RNMT: variants seen among roughly 807,000 people sequenced by gnomAD.
The protein encoded by RNMT is RNA guanine-7 methyltransferase.
RNMT carries 27 observed loss-of-function variants against 56.0 expected under a neutral mutation model. The ratio of observed to expected loss-of-function variants is 0.48; its 90% CI spans 0.36 to 0.67. RNMT has a LOEUF of 0.67. Ranked by LOEUF, RNMT falls within the 30% of genes least tolerant of loss-of-function variation. RNMT has a pLI of 0.00. For synonymous variants in RNMT, 184 were observed against 176.2 expected (o/e 1.04, Z -0.35); for missense variants, 519 against 552.1 (o/e 0.94, Z 0.60).
Position 13,737,241 on chromosome 18 carries a change from G to GT in RNMT, c.679+114dup, listed in dbSNP as rs546096618. ...ATATCTGGGACTATGCATGAGATGGGTTTTTTTTAAATTAATTACGGCCTG... is the reference window on the plus strand; with the variant it reads ...ATATCTGGGACTATGCATGAGATGGGTTTTTTTTTAAATTAATTACGGCCTG... On this transcript the variant is annotated intron_variant, in intron 5 of 11. Coordinates refer to ENST00000383314, the MANE Select transcript of RNMT (RefSeq NM_003799.3). The GT allele has an allele frequency of 1.2e-3, 1,232 of 1,042,584 alleles. 1 individual carries two copies. Among genetic ancestry groups the GT allele is most frequent in the African/African-American group, 1.7e-3 (101 of 60,724 alleles). 64.6% of individuals were successfully genotyped at this position (1,042,584 alleles called of 1,614,324 possible). A position where few individuals can be genotyped will look rare whatever the true frequency, so the allele number is the denominator to read the frequency against.
At position 13,764,215 on chromosome 18, in the gene RNMT, TTTTG is replaced by T. The variant is rs1476283220; in HGVS notation, c.*4240_*4243del. 2.6e-5 allele frequency: 4 copies of T among 152,158 alleles called. No homozygotes were observed. Among genetic ancestry groups the T allele is most frequent in the Admixed American group, 6.5e-5 (1 of 15,278 alleles). The allele number at this position is 152,158 out of a possible 1,614,324, so 9.4% of individuals were successfully genotyped here. ...CGAGTATCCAGACAGAGGCAAATCATTTTGTTTAACTTTTTATTAAAGTGTAACT... is the reference window on the plus strand; with the variant it reads ...CGAGTATCCAGACAGAGGCAAATCATTTTAACTTTTTATTAAAGTGTAACT... On this transcript the variant is annotated 3_prime_UTR_variant, in exon 12 of 12. Coordinates refer to ENST00000383314, the MANE Select transcript of RNMT (RefSeq NM_003799.3).
In RNMT at chr18:13,760,039, A is replaced by G. The variant is rs2044600452; in HGVS notation, c.*60A>G. ...TGTCCTGCACAAATTTGAACAACTC[A>G]TCTCGATATATTTGATATTTCTCTG... On this transcript the variant is annotated 3_prime_UTR_variant, in exon 12 of 12. Coordinates refer to ENST00000383314, the MANE Select transcript of RNMT (RefSeq NM_003799.3). 1.3e-6 allele frequency: 2 copies of G among 1,587,346 alleles called. No homozygotes were observed. Among genetic ancestry groups the G allele is most frequent in the Non-Finnish European group, 1.7e-6 (2 of 1,166,544 alleles).
At chr18:13,728,300 CTTTT>C (rs1204415985) in intron 1 of RNMT, among the ~76,000 whole-genome samples, 5 of 109,632 alleles carry the variant, frequency 4.6e-5, no homozygotes, top group African/African-American at 1.1e-4. Context: ...TCATCAGCAT[CTTTT>C]TTTTTTTTTT....
chr18:13,744,151 GC>G (rs1432400464), intron 8 of RNMT, among the ~76,000 whole-genome samples: 1 of 66,538 alleles, frequency 1.5e-5, no homozygotes, highest in Non-Finnish European at 3.9e-5. Flanking sequence ...ACAAGACCTA[GC>G]GGTCTTCTTT....
chr18:13,746,724 ACTCT>A (rs922994470), intron 9 of RNMT, among the ~76,000 whole-genome samples: 5 of 152,074 alleles, frequency 3.3e-5, no homozygotes, highest in African/African-American at 1.2e-4. Context: ...TAACCAGAAA[ACTCT>A]CTCCAGACAT....
intron 5 of RNMT, among the ~76,000 whole-genome samples, chr18:13,739,386 G>T (rs578205028): frequency 1.3e-5 from 2 of 152,306 alleles, no homozygotes; most frequent in South Asian, 4.1e-4. Flanking sequence ...TTGTATAGTG[G>T]TGAAGAATAC....
At chr18:13,736,271 G>A (rs1173489516) in intron 4 of RNMT, among the ~76,000 whole-genome samples, 1 of 152,170 alleles carries the variant, frequency 6.6e-6, no homozygotes, top group Non-Finnish European at 1.5e-5. Context: ...CCAGCTCAGT[G>A]ATAAAGACAA....
At chr18:13,752,295 T>C (rs748960473) in intron 9 of RNMT, 31 bp from the exon 10 acceptor site, 3 of 1,351,914 alleles carry the variant, frequency 2.2e-6, no homozygotes, top group Non-Finnish European at 3.2e-6. Context: ...ATTTCCGTTA[T>C]TGTAACTAGG....
At chr18:13,749,326 T>G (rs868812208) in intron 9 of RNMT, among the ~76,000 whole-genome samples, 22 of 152,344 alleles carry the variant, frequency 1.4e-4, no homozygotes, top group African/African-American at 4.8e-4. Flanking sequence ...CAAAAAAAAC[T>G]GATTGGTAAT....
At chr18:13,742,938 G>T in intron 8 of RNMT, 1 of 228,436 alleles carries the variant, frequency 4.4e-6, no homozygotes. Context: ...TTCAGCTTGT[G>T]GCACAAAATG....
At chr18:13,753,715 G>A (rs1359804143) in intron 10 of RNMT, among the ~76,000 whole-genome samples, 2 of 151,736 alleles carry the variant, frequency 1.3e-5, no homozygotes, top group Non-Finnish European at 2.9e-5. Flanking sequence ...AGCTTGCAGT[G>A]AGCCAAGATC....
At chr18:13,741,793 T>A in intron 7 of RNMT, 102 bp downstream of exon 7, 1 of 666,694 alleles carries the variant, frequency 1.5e-6, no homozygotes, top group Non-Finnish European at 2.4e-6. Flanking sequence ...TTTAATCTTA[T>A]AAGTGTTGAA....
At chr18:13,744,928 AC>A (rs2044327459) in intron 8 of RNMT, among the ~76,000 whole-genome samples, 1 of 152,192 alleles carries the variant, frequency 6.6e-6, no homozygotes, top group Non-Finnish European at 1.5e-5. Context: ...TAACGGAGAG[AC>A]CTAATATAAT....
intron 8 of RNMT, among the ~76,000 whole-genome samples, chr18:13,744,747 A>T (rs2149095885): frequency 6.6e-6 from 1 of 152,220 alleles, no homozygotes; most frequent in African/African-American, 2.4e-5. Flanking sequence ...CTATCCCCTC[A>T]AATGCCACCC....
Position 13,761,601 on chromosome 18 carries a change from A to C in RNMT, c.*1622A>C. On this transcript the variant is annotated 3_prime_UTR_variant, in exon 12 of 12. Transcript: ENST00000383314. Reference sequence around the variant, plus strand: ...GAGAGAAGAATCCTCCAAACGATGGAGTAGCCAGTGGTAATACAAAGCAGG... The same window carrying C: ...GAGAGAAGAATCCTCCAAACGATGGCGTAGCCAGTGGTAATACAAAGCAGG... 3.0e-6 allele frequency: 3 copies of C among 993,360 alleles called. No homozygotes were observed. The highest frequency in any genetic ancestry group is 3.6e-6 in the Non-Finnish European group (3 of 834,486). The allele number at this position is 993,360 out of a possible 1,614,324, so 61.5% of individuals were successfully genotyped here.
At chr18:13,753,268 A>G (rs1452739807) in intron 10 of RNMT, among the ~76,000 whole-genome samples, 2 of 151,800 alleles carry the variant, frequency 1.3e-5, no homozygotes, top group African/African-American at 4.8e-5. Context: ...GGAAATCGAG[A>G]CCATACTGGC....
At chr18:13,741,969 T>C (rs972756910) in intron 7 of RNMT, among the ~76,000 whole-genome samples, 2 of 152,216 alleles carry the variant, frequency 1.3e-5, no homozygotes, top group Non-Finnish European at 2.9e-5. Context: ...CCAGCTGTCA[T>C]GAGAGTGATA....
At chr18:13,741,428 A>G (rs2044249077) in intron 6 of RNMT, 82 bp from the exon 7 acceptor site, 2 of 864,970 alleles carry the variant, frequency 2.3e-6, no homozygotes, top group South Asian at 1.7e-5. Flanking sequence ...AGAACCTTAC[A>G]TTCTAGAAGT....
In RNMT at chr18:13,752,418, G is replaced by A. The variant is rs114370930; in HGVS notation, c.1350G>A (p.Arg450=). 82 of 1,595,386 alleles carry A rather than the reference G, an allele frequency of 5.1e-5. No individual in the cohort carries two copies. In the African/African-American group the frequency reaches 9.9e-4, roughly 19 times the overall value. The change falls in exon 10 of 12, where the codon AGG becomes AGA. Residue 450 remains arginine (R), a synonymous_variant. Coordinates refer to ENST00000383314, the MANE Select transcript of RNMT (RefSeq NM_003799.3). The stretch of plus-strand genomic sequence containing the variant: ...AGTACATGAAGAACAGTCAAGTAAG[G>A]TTACCTTTGGTAAGTTTTAATTTAT... ...AAKYMKNSQV[R]LPLGTLSKSE... is the part of the protein sequence containing the mutation.
Sources: gnomAD v4.1 joint callset for allele counts (sites outside exome capture counted in the v4.1 genomes callset) on GRCh38, gnomAD v4.1.1 for gene constraint, MANE v1.5 for transcripts, NCBI Gene and HGNC (gene_info 2026-07-23, HGNC 2026-07-21) for gene names.